PLCB1: variants seen among roughly 807,000 people sequenced by gnomAD.
The protein encoded by PLCB1 is phospholipase C beta 1.
Under a neutral mutation model 161.8 loss-of-function variants are expected in PLCB1, and 46 were observed. The observed-to-expected ratio is 0.28, with a 90% CI of 0.22 to 0.36. The LOEUF is 0.36. PLCB1 is among the 10% of genes least tolerant of loss of function. The pLI, the probability that PLCB1 is intolerant of heterozygous loss-of-function variation, is 1.00. For synonymous variants in PLCB1, 517 were observed against 503.7 expected (o/e 1.03, Z -0.35); for missense variants, 1,016 against 1,472.5 (o/e 0.69, Z 5.07).
At position 8,662,979 on chromosome 20, in the gene PLCB1, A is replaced by C. The variant is rs182424797; in HGVS notation, c.862+4275A>C. Among the ~76,000 whole-genome samples the C allele has an allele frequency of 1.6e-3, 249 of 152,210 alleles. 2 individuals carry two copies. The highest frequency in any genetic ancestry group is 1.8e-3 in the Non-Finnish European group (125 of 68,012). On this transcript the variant is annotated intron_variant, in intron 9 of 31. Coordinates refer to ENST00000338037, the MANE Select transcript of PLCB1 (RefSeq NM_015192.4). The stretch of plus-strand genomic sequence containing the variant: ...AATAAGTAGGGAAGTTTAGTATTAC[A>C]TTATAATTTATTCTTCTGCTGCTTT...
intron 2 of PLCB1, among the ~76,000 whole-genome samples, chr20:8,176,397 A>G (rs1005809685): frequency 6.6e-6 from 1 of 152,202 alleles, no homozygotes; most frequent in Non-Finnish European, 1.5e-5. Flanking sequence ...AAGGTTTCAT[A>G]CTGTATGATT....
intron 31 of PLCB1, among the ~76,000 whole-genome samples, chr20:8,864,028 A>G (rs546076438): frequency 3.9e-5 from 6 of 152,334 alleles, no homozygotes; most frequent in Admixed American, 6.5e-5. Context: ...GATATCTTCA[A>G]TTTTCAGAAT....
chr20:8,689,651 T>C (rs757224097), intron 10 of PLCB1, among the ~76,000 whole-genome samples: 1 of 152,168 alleles, frequency 6.6e-6, no homozygotes, highest in Non-Finnish European at 1.5e-5. Context: ...ATACAAATAA[T>C]AAAACTACAA....
At chr20:8,432,807 C>G (rs1215446001) in intron 3 of PLCB1, among the ~76,000 whole-genome samples, 2 of 152,198 alleles carry the variant, frequency 1.3e-5, no homozygotes, top group Admixed American at 6.5e-5. Context: ...TGTTGCTCAT[C>G]CATCTAAATT....
At chr20:8,196,373 G>A (rs2052023921) in intron 2 of PLCB1, among the ~76,000 whole-genome samples, 1 of 152,074 alleles carries the variant, frequency 6.6e-6, no homozygotes, top group Admixed American at 6.6e-5. Context: ...GCTTGAAATT[G>A]TAGCTGCATA....
At chr20:8,569,658 G>A (rs1339303970) in intron 3 of PLCB1, among the ~76,000 whole-genome samples, 3 of 152,114 alleles carry the variant, frequency 2.0e-5, no homozygotes, top group Non-Finnish European at 4.4e-5. Flanking sequence ...TGCAATCACT[G>A]ATATTTTTAT....
chr20:8,720,588 A>G (rs891993051), intron 14 of PLCB1, among the ~76,000 whole-genome samples: 1 of 152,164 alleles, frequency 6.6e-6, no homozygotes, highest in African/African-American at 2.4e-5. Flanking sequence ...GACTTGTCCT[A>G]AGGAACTAGG....
chr20:8,373,538 A>T (rs551498671), intron 3 of PLCB1, among the ~76,000 whole-genome samples: 1 of 152,306 alleles, frequency 6.6e-6, no homozygotes, highest in South Asian at 2.1e-4. Context: ...CGCCTCCAGA[A>T]ATGCTGGTAC....
intron 2 of PLCB1, among the ~76,000 whole-genome samples, chr20:8,355,398 C>G (rs902834033): frequency 6.6e-6 from 1 of 152,022 alleles, no homozygotes; most frequent in African/African-American, 2.4e-5. Context: ...TTTCTTCTAC[C>G]TGGTGATTTA....
intron 2 of PLCB1, among the ~76,000 whole-genome samples, chr20:8,157,243 C>T (rs2051571730): frequency 1.3e-5 from 2 of 152,136 alleles, no homozygotes; most frequent in Admixed American, 6.5e-5. Flanking sequence ...TTTGAAGCAT[C>T]GTATGGAACA....
At chr20:8,387,225 C>T (rs1396088742) in intron 3 of PLCB1, among the ~76,000 whole-genome samples, 3 of 152,192 alleles carry the variant, frequency 2.0e-5, no homozygotes, top group African/African-American at 7.2e-5. Context: ...ACACGCCTTC[C>T]TCACTCAGCT....
At chr20:8,527,283 G>A (rs574742305) in intron 3 of PLCB1, among the ~76,000 whole-genome samples, 1 of 152,122 alleles carries the variant, frequency 6.6e-6, no homozygotes, top group African/African-American at 2.4e-5. Flanking sequence ...ACCAAATGGT[G>A]ACCATTATTT....
intron 14 of PLCB1, among the ~76,000 whole-genome samples, chr20:8,719,091 A>C (rs1979488011): frequency 6.6e-6 from 1 of 152,214 alleles, no homozygotes; most frequent in African/African-American, 2.4e-5. Context: ...AGTCTGATTT[A>C]TCTTCCAAGT....
At chr20:8,394,918 G>A (rs1987719944) in intron 3 of PLCB1, among the ~76,000 whole-genome samples, 1 of 152,026 alleles carries the variant, frequency 6.6e-6, no homozygotes, top group Admixed American at 6.6e-5. Context: ...AAATAGTAAG[G>A]TCATGTTAAA....
chr20:8,176,854 C>T (rs1338674484), intron 2 of PLCB1, among the ~76,000 whole-genome samples: 1 of 152,096 alleles, frequency 6.6e-6, no homozygotes, highest in Non-Finnish European at 1.5e-5. Flanking sequence ...AAGGAACCTC[C>T]AGAGTAGTGC....
At chr20:8,396,717 C>T (rs1987778063) in intron 3 of PLCB1, among the ~76,000 whole-genome samples, 1 of 152,032 alleles carries the variant, frequency 6.6e-6, no homozygotes, top group Admixed American at 6.6e-5. Flanking sequence ...TCCAGATATA[C>T]ACAATCGTCT....
At chr20:8,820,960 C>A (rs6039285) in intron 31 of PLCB1, among the ~76,000 whole-genome samples, 4,025 of 151,826 alleles carry the variant, frequency 0.027, 168 homozygotes, top group African/African-American at 0.093. Flanking sequence ...AATATGATAC[C>A]AATCAATTTT....
intron 20 of PLCB1, among the ~76,000 whole-genome samples, chr20:8,738,520 C>A (rs763173807): frequency 4.6e-5 from 7 of 151,832 alleles, no homozygotes; most frequent in Non-Finnish European, 8.8e-5. Flanking sequence ...ACATTGTGCA[C>A]ATGTACCCAA....
chr20:8,230,780 T>C (rs2123183120), intron 2 of PLCB1, among the ~76,000 whole-genome samples: 1 of 152,258 alleles, frequency 6.6e-6, no homozygotes, highest in Non-Finnish European at 1.5e-5. Context: ...ACAGTGTAGA[T>C]ACAGAACATT....
Sources: allele counts gnomAD v4.1 joint callset (sites outside exome capture counted in the v4.1 genomes callset), GRCh38; gene constraint gnomAD v4.1.1; transcripts MANE v1.5; gene names NCBI Gene and HGNC (gene_info 2026-07-23, HGNC 2026-07-21).